The following MAPKAP1 variants were observed in gnomAD, a reference collection of about 807,000 sequenced individuals.
MAPKAP1 encodes the protein MAPK associated protein 1.
MAPKAP1 carries 20 observed loss-of-function variants against 65.7 expected under a neutral mutation model. That is an observed-to-expected ratio of 0.30 (90% CI 0.21 to 0.44). MAPKAP1 has a LOEUF of 0.44. Among genes scored for constraint, MAPKAP1 ranks in the 20% least tolerant of loss-of-function variants. The pLI is 1.00. For synonymous variants in MAPKAP1, 222 were observed against 244.3 expected (o/e 0.91, Z 0.85); for missense variants, 423 against 648.0 (o/e 0.65, Z 3.77).
intron 4 of MAPKAP1, among the ~76,000 whole-genome samples, chr9:125,617,485 G>GT (rs1832780425): frequency 6.6e-6 from 1 of 152,156 alleles, no homozygotes; most frequent in East Asian, 1.9e-4. Context: ...TTAAAAGTCT[G>GT]TAAGTCTCTG....
chr9:125,467,598 G>T (rs913721984), intron 10 of MAPKAP1, among the ~76,000 whole-genome samples: 20 of 152,212 alleles, frequency 1.3e-4, no homozygotes, highest in African/African-American at 4.6e-4. Flanking sequence ...AAGGAAGGCA[G>T]GTCCAGGTCT....
chr9:125,516,723 T>C (rs1461642095), intron 7 of MAPKAP1, among the ~76,000 whole-genome samples: 1 of 152,224 alleles, frequency 6.6e-6, no homozygotes, highest in Non-Finnish European at 1.5e-5. Context: ...ATTGAAATCC[T>C]GGCTCTTTTA....
intron 5 of MAPKAP1, among the ~76,000 whole-genome samples, chr9:125,584,900 C>G (rs1447730135): frequency 6.6e-6 from 1 of 152,150 alleles, no homozygotes; most frequent in Admixed American, 6.5e-5. Context: ...CATAGAGAGG[C>G]TACTCTCAAG....
chr9:125,579,004 T>G (rs138221005), intron 5 of MAPKAP1, among the ~76,000 whole-genome samples: 1 of 152,206 alleles, frequency 6.6e-6, no homozygotes, highest in Non-Finnish European at 1.5e-5. Flanking sequence ...AATTTCATAG[T>G]CCACATTTTC....
chr9:125,675,224 T>C (rs1325085099), intron 1 of MAPKAP1, among the ~76,000 whole-genome samples: 1 of 152,126 alleles, frequency 6.6e-6, no homozygotes, highest in African/African-American at 2.4e-5. Context: ...AGTTCTCCCT[T>C]GCAAAAACAA....
At position 125,693,664 on chromosome 9, in the gene MAPKAP1, C is replaced by CAT. The variant is rs1564620090; in HGVS notation, c.-70+13306_-70+13307insAT. On this transcript the variant is annotated intron_variant, in intron 1 of 11. Transcript: ENST00000265960. ...ACACATATACACGTATACATACACACACATATACACGTATATATACACGTA... is the reference window on the plus strand; with the variant it reads ...ACACATATACACGTATACATACACACATACATATACACGTATATATACACGTA... Among the ~76,000 whole-genome samples the CAT allele has an allele frequency of 1.8e-3, 228 of 124,658 alleles. 9 individuals carry two copies. The highest frequency in any genetic ancestry group is 9.1e-3 in the African/African-American group (204 of 22,366). 81.8% of individuals were successfully genotyped at this position (124,658 alleles called of 152,430 possible). A position where few individuals can be genotyped will look rare whatever the true frequency, so the allele number is the denominator to read the frequency against.
intron 5 of MAPKAP1, among the ~76,000 whole-genome samples, chr9:125,569,301 T>C (rs1831158257): frequency 1.3e-5 from 2 of 152,232 alleles, no homozygotes; most frequent in Non-Finnish European, 2.9e-5. Flanking sequence ...CAAAATGAAC[T>C]ACTCTAGACT....
At chr9:125,570,580 A>G (rs1357789399) in intron 5 of MAPKAP1, among the ~76,000 whole-genome samples, 1 of 152,208 alleles carries the variant, frequency 6.6e-6, no homozygotes, top group Non-Finnish European at 1.5e-5. Context: ...ACCAAAAATA[A>G]AAGTTGCTAA....
At chr9:125,465,679 C>T (rs1482565548) in intron 10 of MAPKAP1, among the ~76,000 whole-genome samples, 2 of 152,204 alleles carry the variant, frequency 1.3e-5, no homozygotes, top group Non-Finnish European at 2.9e-5. Context: ...AGTGAGGACA[C>T]GGAAGCCAGT....
At chr9:125,570,740 G>T (rs1251992490) in intron 5 of MAPKAP1, among the ~76,000 whole-genome samples, 2 of 151,850 alleles carry the variant, frequency 1.3e-5, no homozygotes, top group Non-Finnish European at 2.9e-5. Context: ...ATTGTTTTAA[G>T]TAAGAAAAAA....
At chr9:125,693,789 A>C (rs1402860141) in intron 1 of MAPKAP1, among the ~76,000 whole-genome samples, 7 of 150,678 alleles carry the variant, frequency 4.6e-5, no homozygotes, top group African/African-American at 1.7e-4. Context: ...ACACGTATAT[A>C]TATACACACA....
At chr9:125,636,997 G>A (rs753056993) in intron 4 of MAPKAP1, among the ~76,000 whole-genome samples, 6 of 152,176 alleles carry the variant, frequency 3.9e-5, no homozygotes, top group Non-Finnish European at 7.3e-5. Context: ...GGCCAGGCAC[G>A]GTGGCTCACG....
chr9:125,619,401 C>T (rs748312880), intron 4 of MAPKAP1, among the ~76,000 whole-genome samples: 5 of 151,660 alleles, frequency 3.3e-5, no homozygotes, highest in African/African-American at 4.8e-5. Flanking sequence ...AGCTTGAACC[C>T]GGGAGGCGGA....
intron 9 of MAPKAP1, among the ~76,000 whole-genome samples, chr9:125,470,165 T>C (rs1289738167): frequency 6.6e-6 from 1 of 152,232 alleles, no homozygotes; most frequent in Non-Finnish European, 1.5e-5. Flanking sequence ...ATGTACCTTG[T>C]TAATTTGATA....
intron 4 of MAPKAP1, among the ~76,000 whole-genome samples, chr9:125,649,386 C>A (rs906673573): frequency 6.6e-6 from 1 of 152,164 alleles, no homozygotes. Context: ...TTAAATGACA[C>A]CTGGCATCTG....
At chr9:125,551,350 A>T (rs1830579021) in intron 6 of MAPKAP1, among the ~76,000 whole-genome samples, 1 of 152,170 alleles carries the variant, frequency 6.6e-6, no homozygotes, top group Non-Finnish European at 1.5e-5. Flanking sequence ...CCCAGTAAAG[A>T]GCATGAATGA....
At chr9:125,519,787 G>A (rs371573623) in intron 7 of MAPKAP1, among the ~76,000 whole-genome samples, 17 of 151,906 alleles carry the variant, frequency 1.1e-4, no homozygotes, top group African/African-American at 3.9e-4. Flanking sequence ...GCCCGCCCCA[G>A]CCTCCTCATG....
chr9:125,639,643 A>ATTG (rs1833522131), intron 4 of MAPKAP1, among the ~76,000 whole-genome samples: 2 of 152,174 alleles, frequency 1.3e-5, no homozygotes, highest in Non-Finnish European at 2.9e-5. Context: ...TAAAGAGACG[A>ATTG]TTGTTGTGGA....
intron 4 of MAPKAP1, among the ~76,000 whole-genome samples, chr9:125,589,267 AGC>A (rs1831881844): frequency 6.6e-6 from 1 of 152,190 alleles, no homozygotes. Context: ...TCTCCTTCAG[AGC>A]GCTTAACAAT....
Sources: allele counts gnomAD v4.1 joint callset (sites outside exome capture counted in the v4.1 genomes callset), GRCh38; gene constraint gnomAD v4.1.1; transcripts MANE v1.5; gene names NCBI Gene and HGNC (gene_info 2026-07-23, HGNC 2026-07-21).